The following TNNI3K variants were observed in gnomAD, a reference collection of about 807,000 sequenced individuals.
TNNI3K encodes TNNI3 interacting kinase, also known as serine/threonine-protein kinase TNNI3K.
TNNI3K carries 140 observed loss-of-function variants against 114.5 expected under a neutral mutation model. That is an observed-to-expected ratio of 1.22 (90% confidence interval 1.07 to 1.41). The LOEUF (loss-of-function observed/expected upper bound fraction) is 1.41, where lower values mean the gene tolerates loss of function less well. Among genes scored for constraint, TNNI3K ranks in the 40% most tolerant of loss-of-function variants. The pLI is 0.00. For synonymous variants in TNNI3K, 347 were observed against 347.5 expected, an observed-to-expected ratio of 1.00 and a Z score of 0.02; for missense variants, 1,125 against 1,007.6, an observed-to-expected ratio of 1.12 and a Z score of -1.58.
At chr1:74,324,982 G>A (rs1659821540) in intron 5 of TNNI3K, among the ~76,000 whole-genome samples, 1 of 152,092 alleles carries the variant, frequency 6.6e-6, no homozygotes, top group African/African-American at 2.4e-5. Flanking sequence ...CCTTCTGAAA[G>A]GTCAGAAGGC....
intron 9 of TNNI3K, among the ~76,000 whole-genome samples, chr1:74,347,654 C>A (rs1408478133): frequency 1.3e-5 from 2 of 152,188 alleles, no homozygotes; most frequent in African/African-American, 4.8e-5. Context: ...ACATCCTCTC[C>A]AGCACCTGTT....
At chr1:74,401,257 A>T (rs769179272) in intron 17 of TNNI3K, among the ~76,000 whole-genome samples, 8 of 152,200 alleles carry the variant, frequency 5.3e-5, no homozygotes, top group Non-Finnish European at 1.0e-4. Context: ...TTTCTAGGTC[A>T]TGCAATTCTG....
chr1:74,519,332 G>A (rs998773521), intron 23 of TNNI3K, among the ~76,000 whole-genome samples: 17 of 104,398 alleles, frequency 1.6e-4, no homozygotes, highest in Admixed American at 4.2e-4. Flanking sequence ...GAATAGTGCC[G>A]CAATAAACAT....
intron 20 of TNNI3K, among the ~76,000 whole-genome samples, chr1:74,445,066 A>C (rs2100681576): frequency 6.6e-6 from 1 of 152,290 alleles, no homozygotes; most frequent in Admixed American, 6.5e-5. Flanking sequence ...TGTAAAACCC[A>C]AAACCATAAA....
At chr1:74,471,158 T>A (rs999357296) in intron 21 of TNNI3K, 1 of 400,614 alleles carries the variant, frequency 2.5e-6, no homozygotes, top group African/African-American at 2.1e-5. Context: ...CTGCTTTCTA[T>A]AGAGCTCTGG....
At chr1:74,385,343 ACT>A (rs1251422923) in intron 17 of TNNI3K, among the ~76,000 whole-genome samples, 1 of 152,020 alleles carries the variant, frequency 6.6e-6, no homozygotes, top group African/African-American at 2.4e-5. Context: ...AACTGTTAAA[ACT>A]CATCAAATTG....
At chr1:74,443,937 A>G (rs1365960677) in intron 20 of TNNI3K, among the ~76,000 whole-genome samples, 1 of 152,230 alleles carries the variant, frequency 6.6e-6, no homozygotes, top group African/African-American at 2.4e-5. Context: ...GATTCAGAAA[A>G]GGTCTTTGAT....
Position 74,250,670 on chromosome 1 carries a change from A to G in TNNI3K, c.236-2A>G, listed in dbSNP as rs766113814. The G allele has an allele frequency of 1.2e-6, 2 of 1,607,002 alleles. No homozygotes were observed. Among genetic ancestry groups the G allele is most frequent in the Non-Finnish European group, 1.7e-6 (2 of 1,178,030 alleles). ...TAGCCTTTTTTCATTTTTCTCTTTA[A>G]GGCAAGAAATCACATATTCGAACTC... On this transcript the variant is annotated splice_acceptor_variant, in intron 3 of 24. Transcript: ENST00000326637. LOFTEE classifies it high-confidence loss of function.
intron 17 of TNNI3K, among the ~76,000 whole-genome samples, chr1:74,403,282 T>C (rs1039078603): frequency 1.3e-5 from 2 of 152,168 alleles, no homozygotes; most frequent in Non-Finnish European, 2.9e-5. Flanking sequence ...ACAGTTCCTC[T>C]CAGAAGTAGT....
intron 5 of TNNI3K, among the ~76,000 whole-genome samples, chr1:74,315,628 T>C (rs1659263993): frequency 6.6e-6 from 1 of 152,012 alleles, no homozygotes; most frequent in Admixed American, 6.6e-5. Context: ...CTAGAGGCAA[T>C]TTTGCAGCTA....
intron 23 of TNNI3K, among the ~76,000 whole-genome samples, chr1:74,517,605 G>A (rs1248245743): frequency 6.6e-6 from 1 of 152,178 alleles, no homozygotes; most frequent in Non-Finnish European, 1.5e-5. Flanking sequence ...TAAGCATTAT[G>A]TATAATCTGC....
chr1:74,253,374 A>C (rs1185325116), intron 4 of TNNI3K, among the ~76,000 whole-genome samples: 3 of 152,092 alleles, frequency 2.0e-5, no homozygotes, highest in Admixed American at 2.0e-4. Context: ...GGGATGGGGC[A>C]CTGTGGAGCA....
chr1:74,313,678 C>T (rs1659123616), intron 5 of TNNI3K, among the ~76,000 whole-genome samples: 1 of 152,142 alleles, frequency 6.6e-6, no homozygotes, highest in South Asian at 2.1e-4. Flanking sequence ...ACTTGCCTTG[C>T]TTTCAGACAT....
At chr1:74,507,291 G>C (rs560616264) in intron 23 of TNNI3K, among the ~76,000 whole-genome samples, 2 of 140,318 alleles carry the variant, frequency 1.4e-5, no homozygotes, top group Non-Finnish European at 3.0e-5. Flanking sequence ...CAATCCCAAT[G>C]TCTCCTCCTG....
chr1:74,295,519 T>G (rs1475104744), intron 5 of TNNI3K, among the ~76,000 whole-genome samples: 2 of 152,204 alleles, frequency 1.3e-5, no homozygotes, highest in Admixed American at 6.5e-5. Context: ...TTATATATTT[T>G]AAGCCTATAG....
At chr1:74,335,817 G>A (rs572341545) in intron 6 of TNNI3K, among the ~76,000 whole-genome samples, 194 bp from the exon 7 acceptor site, 1 of 152,270 alleles carries the variant, frequency 6.6e-6, no homozygotes, top group African/African-American at 2.4e-5. Context: ...TGGCAGAACA[G>A]AATGACAGAA....
At chr1:74,329,853 A>C (rs1013895508) in intron 5 of TNNI3K, among the ~76,000 whole-genome samples, 3 of 152,078 alleles carry the variant, frequency 2.0e-5, no homozygotes, top group African/African-American at 7.2e-5. Context: ...TATGATTCAC[A>C]CAATTGACAA....
intron 20 of TNNI3K, among the ~76,000 whole-genome samples, chr1:74,450,927 A>G (rs1420674431): frequency 6.6e-6 from 1 of 152,178 alleles, no homozygotes; most frequent in Non-Finnish European, 1.5e-5. Context: ...AAATCATTCT[A>G]TTATAAAGAT....
At chr1:74,444,717 G>A (rs921146037) in intron 20 of TNNI3K, among the ~76,000 whole-genome samples, 2 of 151,672 alleles carry the variant, frequency 1.3e-5, no homozygotes, top group Non-Finnish European at 2.9e-5. Context: ...AGCCCATATA[G>A]CCAAGACAAT....
Sources: gnomAD v4.1 joint callset for allele counts (sites outside exome capture counted in the v4.1 genomes callset) on GRCh38, gnomAD v4.1.1 for gene constraint, MANE v1.5 for transcripts, NCBI Gene and HGNC (gene_info 2026-07-23, HGNC 2026-07-21) for gene names.